Variants in LY96 observed in about 807,000 individuals in gnomAD.
The protein encoded by LY96 is myeloid differentiation protein-2.
In LY96, 18 loss-of-function variants were observed where a neutral mutation model predicts 18.9. The observed-to-expected ratio is 0.95, with a 90% CI of 0.66 to 1.41. LY96 has a LOEUF of 1.41. Ranked by LOEUF, LY96 falls within the 40% of genes most tolerant of loss-of-function variation. The pLI, the probability that LY96 is intolerant of heterozygous loss-of-function variation, is 0.00. For synonymous variants in LY96, 66 were observed against 62.6 expected (o/e 1.06, Z -0.26); for missense variants, 175 against 182.4 (o/e 0.96, Z 0.23).
At chr8:74,069,902 C>T in the LY96 span, among the ~76,000 whole-genome samples, 1 of 151,802 alleles carries the variant, frequency 6.6e-6, no homozygotes, top group Non-Finnish European at 1.5e-5. Flanking sequence ...GTGCCCGGCC[C>T]ATTTATTTGT....
chr8:74,085,153 C>T, the LY96 span, among the ~76,000 whole-genome samples: 1 of 152,210 alleles, frequency 6.6e-6, no homozygotes, highest in Non-Finnish European at 1.5e-5. Flanking sequence ...TGTGTTGTCT[C>T]ACAAAATGCC....
chr8:74,001,725 T>C (rs1197460566), intron 1 of LY96, among the ~76,000 whole-genome samples: 1 of 151,748 alleles, frequency 6.6e-6, no homozygotes, highest in Admixed American at 6.6e-5. Context: ...AGTATACACC[T>C]GTAGTCTCAG....
chr8:74,040,325 A>G, the LY96 span, among the ~76,000 whole-genome samples: 1 of 152,220 alleles, frequency 6.6e-6, no homozygotes, highest in Non-Finnish European at 1.5e-5. Flanking sequence ...CTTGGCACCT[A>G]GGTAATCTTT....
chr8:74,071,521 A>G, the LY96 span, among the ~76,000 whole-genome samples: 1 of 152,164 alleles, frequency 6.6e-6, no homozygotes, highest in East Asian at 1.9e-4. Context: ...TGTAACATCA[A>G]TATTAGTTAT....
At chr8:74,054,909 T>C in the LY96 span, among the ~76,000 whole-genome samples, 1 of 151,886 alleles carries the variant, frequency 6.6e-6, no homozygotes, top group African/African-American at 2.4e-5. Flanking sequence ...CACCACTCTA[T>C]TTATAAAAAA....
At chr8:74,037,014 C>A in the LY96 span, among the ~76,000 whole-genome samples, 9 of 152,184 alleles carry the variant, frequency 5.9e-5, no homozygotes, top group African/African-American at 2.2e-4. Flanking sequence ...GATGTTAGGA[C>A]AGGGTTCAGA....
At chr8:74,045,712 G>A in the LY96 span, among the ~76,000 whole-genome samples, 10 of 152,262 alleles carry the variant, frequency 6.6e-5, no homozygotes, top group African/African-American at 1.9e-4. Flanking sequence ...GGTCAAGGGT[G>A]GGGGAACCAG....
At chr8:74,009,044 A>G (rs1001085979) in intron 2 of LY96, among the ~76,000 whole-genome samples, 2 of 152,202 alleles carry the variant, frequency 1.3e-5, no homozygotes, top group Non-Finnish European at 2.9e-5. Context: ...TGATCTTACT[A>G]GGAAAATATT....
chr8:74,044,207 AG>A, the LY96 span, among the ~76,000 whole-genome samples: 1 of 127,468 alleles, frequency 7.8e-6, no homozygotes, highest in Non-Finnish European at 1.7e-5. Flanking sequence ...TTTTTTTTTT[AG>A]GGTCTCACTG....
chr8:74,052,701 A>G, the LY96 span: 7 of 152,192 alleles, frequency 4.6e-5, no homozygotes, highest in East Asian at 1.2e-3. Context: ...AGTAAGGTAT[A>G]TGTGAGTGAT....
chr8:73,998,923 C>A (rs534270965), intron 1 of LY96, among the ~76,000 whole-genome samples: 3 of 151,102 alleles, frequency 2.0e-5, no homozygotes, highest in African/African-American at 7.3e-5. Flanking sequence ...CCTCCTGGTA[C>A]TATTGTAAAT....
chr8:74,086,341 T>G, the LY96 span, among the ~76,000 whole-genome samples: 1 of 152,338 alleles, frequency 6.6e-6, no homozygotes, highest in Non-Finnish European at 1.5e-5. Flanking sequence ...AGGATTCTGG[T>G]GCCTGGCAAG....
chr8:74,069,776 T>C, the LY96 span, among the ~76,000 whole-genome samples: 1 of 151,890 alleles, frequency 6.6e-6, no homozygotes, highest in African/African-American at 2.4e-5. Flanking sequence ...GTAATTTTTG[T>C]ATTTTTGTAG....
At chr8:74,084,798 A>C in the LY96 span, among the ~76,000 whole-genome samples, 2 of 152,070 alleles carry the variant, frequency 1.3e-5, no homozygotes, top group African/African-American at 4.8e-5. Flanking sequence ...TATTTTTAGT[A>C]GAGATGGGGT....
chr8:74,053,047 A>C, the LY96 span, among the ~76,000 whole-genome samples: 2 of 152,338 alleles, frequency 1.3e-5, no homozygotes, highest in African/African-American at 2.4e-5. Flanking sequence ...CAACCCTTGC[A>C]CATCCCACGG....
the LY96 span, among the ~76,000 whole-genome samples, chr8:74,038,231 C>T: frequency 1.6e-4 from 24 of 152,128 alleles, no homozygotes; most frequent in Admixed American, 3.3e-4. Flanking sequence ...TTAAGATATA[C>T]AATTACATTA....
chr8:74,017,890 T>C (rs1816676895), intron 3 of LY96, among the ~76,000 whole-genome samples: 1 of 152,024 alleles, frequency 6.6e-6, no homozygotes, highest in South Asian at 2.1e-4. Context: ...TTACAAGAGC[T>C]CCTGAAGGAA....
the LY96 span, among the ~76,000 whole-genome samples, chr8:74,086,503 G>C: frequency 1.3e-5 from 2 of 152,118 alleles, no homozygotes; most frequent in Non-Finnish European, 2.9e-5. Context: ...GTTATAACAG[G>C]CTTTTCCTTC....
the LY96 span, among the ~76,000 whole-genome samples, chr8:74,072,771 A>G: frequency 6.6e-6 from 1 of 152,190 alleles, no homozygotes; most frequent in Non-Finnish European, 1.5e-5. Context: ...CTGAAAGCAT[A>G]GGGAGGTCCT....
Sources: gnomAD v4.1 joint callset for allele counts (sites outside exome capture counted in the v4.1 genomes callset) on GRCh38, gnomAD v4.1.1 for gene constraint, MANE v1.5 for transcripts, NCBI Gene and HGNC (gene_info 2026-07-23, HGNC 2026-07-21) for gene names.